STK32B: variants seen among roughly 807,000 people sequenced by gnomAD.
STK32B encodes the protein serine/threonine-protein kinase 32B.
Under a neutral mutation model 52.6 loss-of-function variants are expected in STK32B, and 43 were observed. The observed-to-expected ratio is 0.82, with a 90% CI of 0.64 to 1.05. The LOEUF is 1.05. STK32B is among the 50% of genes least tolerant of loss of function. STK32B has a pLI of 0.00. For synonymous variants in STK32B, 238 were observed against 204.3 expected (o/e 1.17, Z -1.41); for missense variants, 621 against 534.6 (o/e 1.16, Z -1.59).
intron 3 of STK32B, among the ~76,000 whole-genome samples, chr4:5,320,316 TG>T (rs2108936733): frequency 6.6e-6 from 1 of 152,336 alleles, no homozygotes; most frequent in Non-Finnish European, 1.5e-5. Context: ...AGAACGCCTC[TG>T]CACTTAACAT....
chr4:5,489,858 G>T (rs1372623057), intron 11 of STK32B, among the ~76,000 whole-genome samples: 5 of 152,052 alleles, frequency 3.3e-5, no homozygotes, highest in African/African-American at 9.7e-5. Flanking sequence ...TTTCTTAAGA[G>T]ATTTCTGGCT....
intron 1 of STK32B, among the ~76,000 whole-genome samples, chr4:5,075,126 T>A (rs1227191292): frequency 6.6e-6 from 1 of 152,166 alleles, no homozygotes; most frequent in African/African-American, 2.4e-5. Flanking sequence ...TTAATTTTTG[T>A]GTATTGTTAT....
In STK32B at chr4:5,264,718, C is replaced by T. The variant is rs1009576104; in HGVS notation, c.261-66502C>T. On this transcript the variant is annotated intron_variant, in intron 3 of 11. Coordinates refer to ENST00000282908, the MANE Select transcript of STK32B (RefSeq NM_018401.3). ...AGGAGAATGGCGTGAACCCAGGAGG[C>T]GGAGCTTGCAGTGAGCCAAGATTGC... Among the ~76,000 whole-genome samples, 8 of 152,026 alleles carry T rather than the reference C, an allele frequency of 5.3e-5. No homozygotes were observed. In the South Asian group the frequency reaches 8.3e-4, roughly 16 times the overall value.
intron 3 of STK32B, among the ~76,000 whole-genome samples, chr4:5,193,171 G>A (rs184292076): frequency 6.6e-6 from 1 of 152,234 alleles, no homozygotes; most frequent in Admixed American, 6.5e-5. Context: ...GTCCTCTCGT[G>A]CCTCCTGAGC....
chr4:5,228,359 C>T (rs1285127904), intron 3 of STK32B, among the ~76,000 whole-genome samples: 3 of 152,154 alleles, frequency 2.0e-5, no homozygotes, highest in Non-Finnish European at 2.9e-5. Context: ...TGGAAACTGG[C>T]CATGCTGCAA....
At chr4:5,083,656 G>A (rs1192625195) in intron 1 of STK32B, among the ~76,000 whole-genome samples, 2 of 151,896 alleles carry the variant, frequency 1.3e-5, no homozygotes, top group South Asian at 2.1e-4. Context: ...TTGGGCCACT[G>A]TTTATTCATC....
At chr4:5,459,282 G>GGC (rs1716831935) in intron 8 of STK32B, among the ~76,000 whole-genome samples, 1 of 133,046 alleles carries the variant, frequency 7.5e-6, no homozygotes, top group African/African-American at 2.9e-5. Flanking sequence ...ACCCTGGTGT[G>GGC]CCCCCCCCCC....
intron 1 of STK32B, among the ~76,000 whole-genome samples, chr4:5,126,582 TAA>T (rs560040798): frequency 1.3e-5 from 2 of 152,236 alleles, no homozygotes; most frequent in African/African-American, 4.8e-5. Flanking sequence ...GTTGTAGAAA[TAA>T]AAAGATATTT....
chr4:5,286,266 C>G (rs949272194), intron 3 of STK32B, among the ~76,000 whole-genome samples: 1 of 152,208 alleles, frequency 6.6e-6, no homozygotes, highest in East Asian at 1.9e-4. Flanking sequence ...AGCCACAAAA[C>G]TAGACTTCTC....
intron 2 of STK32B, among the ~76,000 whole-genome samples, chr4:5,161,781 A>G (rs1175259931): frequency 6.6e-6 from 1 of 152,204 alleles, no homozygotes; most frequent in Non-Finnish European, 1.5e-5. Flanking sequence ...TGAGCAATAT[A>G]GTAGCCAGCT....
intron 3 of STK32B, among the ~76,000 whole-genome samples, chr4:5,316,123 TA>T (rs1269073367): frequency 9.1e-6 from 1 of 110,262 alleles, no homozygotes; most frequent in African/African-American, 5.4e-5. Context: ...TATATATATA[TA>T]TTTTCAAGTT....
intron 4 of STK32B, among the ~76,000 whole-genome samples, chr4:5,391,417 A>G (rs1736591001): frequency 6.6e-6 from 1 of 152,152 alleles, no homozygotes; most frequent in African/African-American, 2.4e-5. Context: ...ATAGACACAC[A>G]CTTTCCTGCA....
intron 1 of STK32B, among the ~76,000 whole-genome samples, chr4:5,085,494 T>C (rs1447283): frequency 0.39 from 59,043 of 152,014 alleles, 12,198 homozygotes; most frequent in Non-Finnish European, 0.47. Context: ...GGAACTGGTG[T>C]TCTAGAAAAC....
the STK32B span, among the ~76,000 whole-genome samples, chr4:5,037,297 G>A: frequency 6.6e-6 from 1 of 152,184 alleles, no homozygotes; most frequent in Non-Finnish European, 1.5e-5. Flanking sequence ...TATTTCTCAT[G>A]CTAACAAATC....
chr4:5,316,138 T>TATATATATAACTAA (rs1427357878), intron 3 of STK32B, among the ~76,000 whole-genome samples: 1 of 93,774 alleles, frequency 1.1e-5, no homozygotes, highest in Non-Finnish European at 1.9e-5. Context: ...TCAAGTTATA[T>TATATATATAACTAA]ATATATATAA....
At chr4:5,203,586 G>A (rs1722324295) in intron 3 of STK32B, among the ~76,000 whole-genome samples, 1 of 152,162 alleles carries the variant, frequency 6.6e-6, no homozygotes, top group Admixed American at 6.5e-5. Context: ...CTTATTGTGA[G>A]TTCCAAGAGG....
At chr4:5,206,889 A>T (rs1166633271) in intron 3 of STK32B, among the ~76,000 whole-genome samples, 2 of 151,508 alleles carry the variant, frequency 1.3e-5, no homozygotes, top group Non-Finnish European at 2.9e-5. Context: ...TTTCTCTTTA[A>T]CTCCTTCTGT....
upstream of STK32B, among the ~76,000 whole-genome samples, chr4:5,049,688 G>T (rs571799446): frequency 1.3e-5 from 2 of 152,280 alleles, no homozygotes; most frequent in Non-Finnish European, 2.9e-5. Flanking sequence ...GGATGTATAT[G>T]TGCAGGTCAC....
At chr4:5,125,376 G>T (rs1156544363) in intron 1 of STK32B, among the ~76,000 whole-genome samples, 1 of 152,140 alleles carries the variant, frequency 6.6e-6, no homozygotes, top group Admixed American at 6.5e-5. Context: ...GTGTGGCCTC[G>T]GGCTAGGAAC....
Sources: gnomAD v4.1 joint callset for allele counts (sites outside exome capture counted in the v4.1 genomes callset) on GRCh38, gnomAD v4.1.1 for gene constraint, MANE v1.5 for transcripts, NCBI Gene and HGNC (gene_info 2026-07-23, HGNC 2026-07-21) for gene names.